Variants in GPC6 observed in about 807,000 individuals in gnomAD.
GPC6 encodes the protein glypican 6, also known as glypican-6.
In GPC6, 14 loss-of-function variants were observed where a neutral mutation model predicts 55.2. The ratio of observed to expected loss-of-function variants is 0.25; its 90% CI spans 0.17 to 0.40. GPC6 has a LOEUF of 0.40. GPC6 is among the 10% of genes least tolerant of loss of function. GPC6 has a pLI of 1.00. For synonymous variants in GPC6, 278 were observed against 259.6 expected (o/e 1.07, Z -0.68); for missense variants, 641 against 708.5 (o/e 0.90, Z 1.08).
intron 2 of GPC6, among the ~76,000 whole-genome samples, chr13:93,632,681 T>A (rs1879514130): frequency 6.8e-6 from 1 of 147,572 alleles, no homozygotes; most frequent in Admixed American, 6.8e-5. Flanking sequence ...TTTCTATTTG[T>A]GCATATATGC....
intron 1 of GPC6, among the ~76,000 whole-genome samples, chr13:93,322,638 C>T (rs1221708092): frequency 4.6e-5 from 7 of 151,660 alleles, no homozygotes; most frequent in African/African-American, 1.7e-4. Context: ...TGGGGTTTCA[C>T]CATGTTGGCC....
At chr13:93,855,939 T>C (rs1234611565) in intron 3 of GPC6, among the ~76,000 whole-genome samples, 1 of 151,664 alleles carries the variant, frequency 6.6e-6, no homozygotes, top group African/African-American at 2.4e-5. Flanking sequence ...AACAGTATTT[T>C]ATCAGATATG....
intron 2 of GPC6, among the ~76,000 whole-genome samples, chr13:93,791,319 A>G (rs543304906): frequency 7.9e-5 from 12 of 152,338 alleles, no homozygotes; most frequent in African/African-American, 2.6e-4. Context: ...CAGTGCAAGA[A>G]ATAACCATTT....
rs567711285 is a variant in GPC6 at position 93,246,951 on chromosome 13, C to T, written c.160+19335C>T. Among the ~76,000 whole-genome samples the T allele has an allele frequency of 4.6e-5, 7 of 150,886 alleles. No individual in the cohort carries two copies. In the South Asian group the frequency reaches 8.3e-4, roughly 18 times the overall value. ...TCTCCATGATTGGGAGTTTTTCAAACTTAAAAAACTGTGACATTTAAAATT... is the reference window on the plus strand; with the variant it reads ...TCTCCATGATTGGGAGTTTTTCAAATTTAAAAAACTGTGACATTTAAAATT... On this transcript the variant is annotated intron_variant, in intron 1 of 8. Coordinates refer to ENST00000377047, the MANE Select transcript of GPC6 (RefSeq NM_005708.5).
chr13:94,008,671 A>G (rs1240848751), intron 3 of GPC6, among the ~76,000 whole-genome samples: 1 of 152,198 alleles, frequency 6.6e-6, no homozygotes, highest in Non-Finnish European at 1.5e-5. Context: ...GAATAAATAA[A>G]TAGTTGGAAA....
intron 4 of GPC6, among the ~76,000 whole-genome samples, chr13:94,173,740 A>T (rs1888652204): frequency 6.6e-6 from 1 of 152,166 alleles, no homozygotes; most frequent in African/African-American, 2.4e-5. Context: ...TGAGATTTAA[A>T]AGCATGTTTT....
At chr13:93,648,834 A>G (rs1880287325) in intron 2 of GPC6, among the ~76,000 whole-genome samples, 2 of 152,206 alleles carry the variant, frequency 1.3e-5, no homozygotes, top group African/African-American at 4.8e-5. Context: ...CACCCATGTC[A>G]CGCAAAACTT....
intron 7 of GPC6, among the ~76,000 whole-genome samples, chr13:94,388,071 C>T (rs1171647491): frequency 6.6e-6 from 1 of 152,064 alleles, no homozygotes; most frequent in Non-Finnish European, 1.5e-5. Flanking sequence ...CCAGATCTAG[C>T]ACATAAAGAT....
intron 1 of GPC6, among the ~76,000 whole-genome samples, chr13:93,441,234 G>A (rs561138321): frequency 2.6e-5 from 4 of 152,082 alleles, no homozygotes; most frequent in African/African-American, 9.7e-5. Context: ...TGGGTCAAAT[G>A]GTATTTCTAG....
chr13:93,931,730 C>T (rs1253880447), intron 3 of GPC6, among the ~76,000 whole-genome samples: 3 of 143,528 alleles, frequency 2.1e-5, no homozygotes, highest in Non-Finnish European at 4.5e-5. Flanking sequence ...CGCCACTGCA[C>T]TCCAGCCTGG....
At chr13:94,132,278 T>G (rs1443358064) in intron 4 of GPC6, among the ~76,000 whole-genome samples, 1 of 152,148 alleles carries the variant, frequency 6.6e-6, no homozygotes, top group East Asian at 1.9e-4. Context: ...AGGATCAGTG[T>G]AGTTATATTT....
intron 2 of GPC6, among the ~76,000 whole-genome samples, chr13:93,640,739 CCTCCCCACTTT>C (rs1251744262): frequency 0.087 from 10,210 of 117,410 alleles, 1,268 homozygotes; most frequent in East Asian, 0.25. Context: ...TTCCCTCCCT[CCTCCCCACTTT>C]CCTTCCCTCC....
chr13:93,643,852 C>G (rs148430844), intron 2 of GPC6, among the ~76,000 whole-genome samples: 7 of 152,068 alleles, frequency 4.6e-5, no homozygotes, highest in African/African-American at 1.7e-4. Flanking sequence ...GGTTAGCCAG[C>G]CTTCTCCTTC....
chr13:94,398,539 C>A lies in GPC6; in HGVS notation c.1363C>A (p.Arg455=). 6.2e-7 allele frequency: 1 copy of A among 1,613,682 alleles called. No homozygotes were observed. Among genetic ancestry groups the A allele is most frequent in the Non-Finnish European group, 8.5e-7 (1 of 1,179,558 alleles). Reference sequence around the variant, plus strand: ...TCCCGAGGTGGATGTGGACATCACTCGGCCTGACACTTTCATCAGACAGCA... The same window carrying A: ...TCCCGAGGTGGATGTGGACATCACTAGGCCTGACACTTTCATCAGACAGCA... ...NNPEVDVDIT[R]PDTFIRQQIM... The change falls in exon 8 of 9, where the codon CGG becomes AGG. Residue 455 remains arginine (R), a synonymous_variant. Transcript: ENST00000377047.
chr13:93,463,931 A>G (rs1382690546), intron 1 of GPC6, among the ~76,000 whole-genome samples: 4 of 152,088 alleles, frequency 2.6e-5, no homozygotes, highest in African/African-American at 9.7e-5. Context: ...ATAAAGGCAT[A>G]TCTCTGAGGT....
intron 1 of GPC6, among the ~76,000 whole-genome samples, chr13:93,484,862 A>G (rs1879642749): frequency 6.6e-6 from 1 of 152,200 alleles, no homozygotes; most frequent in Non-Finnish European, 1.5e-5. Context: ...GCACTCATCA[A>G]TATTTAAGAA....
At chr13:93,718,837 G>A (rs1407004888) in intron 2 of GPC6, among the ~76,000 whole-genome samples, 2 of 151,638 alleles carry the variant, frequency 1.3e-5, no homozygotes, top group South Asian at 2.1e-4. Context: ...TTATTAAATA[G>A]GGAATCCTTT....
chr13:93,282,709 C>A (rs1877993153), intron 1 of GPC6, among the ~76,000 whole-genome samples: 1 of 150,544 alleles, frequency 6.6e-6, no homozygotes, highest in Non-Finnish European at 1.5e-5. Flanking sequence ...ATCCCTTTCT[C>A]CCCCTTCCAT....
chr13:94,262,627 C>G (rs1891686601), intron 4 of GPC6, among the ~76,000 whole-genome samples: 1 of 147,260 alleles, frequency 6.8e-6, no homozygotes, highest in Non-Finnish European at 1.5e-5. Flanking sequence ...GAGACGAGAT[C>G]GTGCCACTGC....
Sources: allele counts gnomAD v4.1 joint callset (sites outside exome capture counted in the v4.1 genomes callset), GRCh38; gene constraint gnomAD v4.1.1; transcripts MANE v1.5; gene names NCBI Gene and HGNC (gene_info 2026-07-23, HGNC 2026-07-21).